Variants in YPEL2 observed in about 807,000 individuals in gnomAD.
The protein encoded by YPEL2 is protein yippee-like 2.
Under a neutral mutation model 19.1 loss-of-function variants are expected in YPEL2, and 2 were observed. That is an observed-to-expected ratio of 0.10 (90% CI 0.04 to 0.33). YPEL2 has a LOEUF of 0.33. Among genes scored for constraint, YPEL2 ranks in the 10% least tolerant of loss-of-function variants. The pLI is 1.00. For missense variants in YPEL2, 66 were observed against 140.7 expected, an observed-to-expected ratio of 0.47 and a Z score of 2.68; for synonymous variants, 52 against 50.0, an observed-to-expected ratio of 1.04 and a Z score of -0.17.
At chr17:59,367,334 TC>T (rs1296990337) in intron 2 of YPEL2, among the ~76,000 whole-genome samples, 1 of 152,160 alleles carries the variant, frequency 6.6e-6, no homozygotes, top group East Asian at 1.9e-4. Flanking sequence ...GGGCAGCCAG[TC>T]CCTTGGTAGA....
chr17:59,375,560 A>G (rs1163300795), intron 2 of YPEL2, among the ~76,000 whole-genome samples: 1 of 152,208 alleles, frequency 6.6e-6, no homozygotes, highest in Non-Finnish European at 1.5e-5. Flanking sequence ...GACAGCCTTA[A>G]GCATTGCAGG....
intron 1 of YPEL2, among the ~76,000 whole-genome samples, chr17:59,335,533 T>G (rs959919816): frequency 6.6e-6 from 1 of 152,072 alleles, no homozygotes; most frequent in Non-Finnish European, 1.5e-5. Flanking sequence ...GTAGTAACTC[T>G]TTCCAGGATT....
intron 1 of YPEL2, among the ~76,000 whole-genome samples, chr17:59,334,424 A>G (rs557056666): frequency 2.7e-4 from 41 of 151,470 alleles, no homozygotes; most frequent in African/African-American, 9.7e-4. Context: ...TTTGTCTACC[A>G]TCAGGTCTTA....
Position 59,397,335 on chromosome 17 carries a change from T to G in YPEL2, c.*145T>G, listed in dbSNP as rs1161628218. 2 of 499,262 alleles carry G rather than the reference T, an allele frequency of 4.0e-6. No individual in the cohort carries two copies. Among genetic ancestry groups the G allele is most frequent in the African/African-American group, 4.0e-5 (2 of 49,942 alleles). The allele number at this position is 499,262 out of a possible 1,614,324, so 30.9% of individuals were successfully genotyped here. A position where few individuals can be genotyped will look rare whatever the true frequency, so the allele number is the denominator to read the frequency against. ...GCATCCTCCCACCCTGACGCCATCT[T>G]TCTGGTGACCGGCCTCTAAATCGCT... On this transcript the variant is annotated 3_prime_UTR_variant, in exon 5 of 5. Coordinates refer to ENST00000312655, the MANE Select transcript of YPEL2 (RefSeq NM_001005404.4).
intron 1 of YPEL2, among the ~76,000 whole-genome samples, chr17:59,346,973 C>T (rs1415851607): frequency 6.6e-6 from 1 of 152,098 alleles, no homozygotes; most frequent in African/African-American, 2.4e-5. Flanking sequence ...TAAGAGAGTT[C>T]CTGACACATG....
At chr17:59,393,689 C>CTTGAG (rs1261232701) in intron 4 of YPEL2, among the ~76,000 whole-genome samples, 1 of 147,476 alleles carries the variant, frequency 6.8e-6, no homozygotes, top group African/African-American at 2.5e-5. Flanking sequence ...TCCCTGGGTA[C>CTTGAG]TTGAGATTAG....
intron 2 of YPEL2, among the ~76,000 whole-genome samples, chr17:59,360,737 TCG>T (rs1567742504): frequency 2.3e-5 from 2 of 87,804 alleles, no homozygotes; most frequent in South Asian, 3.4e-4. Flanking sequence ...TATTTGGGGC[TCG>T]TGTAAAGTAT....
At chr17:59,397,075 C>T in intron 4 of YPEL2, 26 bp from the exon 5 acceptor site, 2 of 1,566,502 alleles carry the variant, frequency 1.3e-6, no homozygotes, top group Non-Finnish European at 1.7e-6. Context: ...CGTTCAGTAT[C>T]TCTTCTCTGC....
intron 2 of YPEL2, among the ~76,000 whole-genome samples, chr17:59,368,158 A>G (rs1371543349): frequency 6.6e-6 from 1 of 151,942 alleles, no homozygotes; most frequent in African/African-American, 2.4e-5. Flanking sequence ...ATCACAACTC[A>G]CTGCAGCCAC....
At chr17:59,395,710 AAGG>A (rs1361111881) in intron 4 of YPEL2, among the ~76,000 whole-genome samples, 1 of 152,084 alleles carries the variant, frequency 6.6e-6, no homozygotes, top group Non-Finnish European at 1.5e-5. Context: ...ACCGATTGAG[AAGG>A]AGACCTGTCT....
intron 1 of YPEL2, among the ~76,000 whole-genome samples, chr17:59,352,191 C>T (rs963696382): frequency 1.4e-4 from 22 of 152,316 alleles, no homozygotes; most frequent in African/African-American, 5.3e-4. Context: ...TTAATTAACA[C>T]TGCCTGCTCT....
At chr17:59,349,057 C>T (rs980140080) in intron 1 of YPEL2, among the ~76,000 whole-genome samples, 15 of 151,068 alleles carry the variant, frequency 9.9e-5, no homozygotes, top group Non-Finnish European at 1.9e-4. Flanking sequence ...GCCTGTAGTC[C>T]CAGCTACTCG....
chr17:59,366,762 C>T (rs2047871865), intron 2 of YPEL2, among the ~76,000 whole-genome samples: 1 of 152,198 alleles, frequency 6.6e-6, no homozygotes, highest in Non-Finnish European at 1.5e-5. Flanking sequence ...ATGCCAGAAA[C>T]ATTCACCTAG....
chr17:59,358,631 C>T (rs556586305), intron 2 of YPEL2, among the ~76,000 whole-genome samples: 14 of 151,498 alleles, frequency 9.2e-5, no homozygotes, highest in South Asian at 8.3e-4. Flanking sequence ...TTTTTTGAGA[C>T]GGGGTTTCAT....
At chr17:59,377,877 G>A (rs1202198593) in intron 2 of YPEL2, among the ~76,000 whole-genome samples, 1 of 152,222 alleles carries the variant, frequency 6.6e-6, no homozygotes, top group Admixed American at 6.5e-5. Context: ...CTGTGCTGGT[G>A]TGAAGGGAAG....
chr17:59,353,392 C>A lies in YPEL2; in HGVS notation c.-18C>A. ...CTCGTGGGCTGCCCCAGAGTTCACC[C>A]CACACTCAGCAGCACCAATGGTGAA... On this transcript the variant is annotated 5_prime_UTR_variant, in exon 2 of 5. Coordinates refer to ENST00000312655, the MANE Select transcript of YPEL2 (RefSeq NM_001005404.4). This position sits in a 1 kb window ranked among gnomAD's most constrained non-coding sequence, Gnocchi z 4.8. 3 of 1,554,976 alleles carry A rather than the reference C, an allele frequency of 1.9e-6. No homozygotes were observed. The highest frequency in any genetic ancestry group is 1.2e-5 in the South Asian group (1 of 81,384).
intron 1 of YPEL2, among the ~76,000 whole-genome samples, chr17:59,342,929 C>T (rs757685638): frequency 1.1e-4 from 17 of 152,228 alleles, no homozygotes; most frequent in Middle Eastern, 3.4e-3. Context: ...AGTCCCTGCC[C>T]GCCTGGGAGG....
At chr17:59,344,445 A>G (rs1312241754) in intron 1 of YPEL2, among the ~76,000 whole-genome samples, 1 of 152,196 alleles carries the variant, frequency 6.6e-6, no homozygotes, top group East Asian at 1.9e-4. Flanking sequence ...TGAAGGCAGC[A>G]CCAAGTCCAA....
intron 2 of YPEL2, among the ~76,000 whole-genome samples, chr17:59,360,633 C>T (rs1022740553): frequency 1.3e-4 from 20 of 152,170 alleles, no homozygotes; most frequent in African/African-American, 4.8e-4. Flanking sequence ...CTGTTGACCA[C>T]CCAGGAAGGG....
Sources: gnomAD v4.1 joint callset for allele counts (sites outside exome capture counted in the v4.1 genomes callset) on GRCh38, gnomAD v4.1.1 for gene constraint, Gnocchi (gnomAD v3.1) non-coding constraint, MANE v1.5 for transcripts, NCBI Gene and HGNC (gene_info 2026-07-23, HGNC 2026-07-21) for gene names.